Variants in BIRC6 observed in about 807,000 individuals in gnomAD.
The protein encoded by BIRC6 is baculoviral IAP repeat containing 6.
BIRC6 carries 98 observed loss-of-function variants against 503.3 expected under a neutral mutation model. That is an observed-to-expected ratio of 0.19 (90% CI 0.17 to 0.23). The LOEUF (loss-of-function observed/expected upper bound fraction) is 0.23. Ranked by LOEUF, BIRC6 falls within the 10% of genes least tolerant of loss-of-function variation. The pLI is 1.00. For missense variants in BIRC6, 5,360 were observed against 5,806.0 expected (o/e 0.92, Z 2.50); for synonymous variants, 2,240 against 2,078.7 (o/e 1.08, Z -2.11).
intron 5 of BIRC6, among the ~76,000 whole-genome samples, chr2:32,394,756 C>T (rs575591747): frequency 1.3e-5 from 2 of 152,168 alleles, no homozygotes; most frequent in South Asian, 2.1e-4. Context: ...CTTGTGCCCA[C>T]GAGTTCAGGG....
intron 66 of BIRC6, among the ~76,000 whole-genome samples, chr2:32,577,060 G>T (rs1261802437): frequency 2.6e-5 from 4 of 152,050 alleles, no homozygotes; most frequent in Non-Finnish European, 4.4e-5. Flanking sequence ...AACCAAGGAA[G>T]CTAGTGTAAT....
intron 14 of BIRC6, 52 bp from the exon 15 acceptor site, chr2:32,436,001 T>C: frequency 7.1e-6 from 8 of 1,123,968 alleles, no homozygotes; most frequent in South Asian, 2.5e-5. Flanking sequence ...TTATTAAATA[T>C]TACATTTTAA....
rs920615288 is a variant in BIRC6 at position 32,364,763 on chromosome 2, T to G, written c.325+7277T>G. On this transcript the variant is annotated intron_variant, in intron 1 of 73. Coordinates refer to ENST00000421745, the MANE Select transcript of BIRC6 (RefSeq NM_016252.4). ...CAGTGAGGTTTAGATCGGGTGTTTT[T>G]TTTTTTTTTTTCTTTCCTGATGTAA... Among the ~76,000 whole-genome samples the G allele has an allele frequency of 3.3e-5, 5 of 151,668 alleles. 1 individual carries two copies. Among genetic ancestry groups the G allele is most frequent in the Non-Finnish European group, 7.4e-5 (5 of 67,914 alleles).
At chr2:32,428,824 G>A (rs2043801900) in intron 10 of BIRC6, among the ~76,000 whole-genome samples, 1 of 152,148 alleles carries the variant, frequency 6.6e-6, no homozygotes, top group African/African-American at 2.4e-5. Flanking sequence ...AATGGCCACA[G>A]TAATAGTTCT....
chr2:32,554,989 A>G (rs1277325567), intron 65 of BIRC6, among the ~76,000 whole-genome samples: 2 of 152,136 alleles, frequency 1.3e-5, no homozygotes, highest in Admixed American at 1.3e-4. Flanking sequence ...TAGAAATTGT[A>G]TTAGTGCTCT....
At chr2:32,543,618 T>C in intron 62 of BIRC6, 77 bp downstream of exon 62, 1 of 1,372,054 alleles carries the variant, frequency 7.3e-7, no homozygotes, top group Non-Finnish European at 9.9e-7. Flanking sequence ...TGCCTATTAT[T>C]CATCATTTAT....
intron 55 of BIRC6, among the ~76,000 whole-genome samples, chr2:32,517,584 G>A (rs2055188745): frequency 6.6e-6 from 1 of 151,940 alleles, no homozygotes; most frequent in Non-Finnish European, 1.5e-5. Flanking sequence ...TACATTTTGG[G>A]GGTGAGGTGG....
intron 23 of BIRC6, among the ~76,000 whole-genome samples, chr2:32,460,270 ATATTTTTTTTTT>A (rs1287906284): frequency 2.1e-4 from 5 of 24,206 alleles, no homozygotes; most frequent in African/African-American, 7.6e-4. Context: ...ATATATATAT[ATATTTTTTTTTT>A]TTTTTTTTTT....
chr2:32,412,342 C>T (rs760612882), intron 9 of BIRC6, among the ~76,000 whole-genome samples: 1 of 151,570 alleles, frequency 6.6e-6, no homozygotes, highest in South Asian at 2.1e-4. Context: ...ACTAAAAATA[C>T]AAAAATTAGC....
intron 57 of BIRC6, chr2:32,522,608 T>C (rs2055845441): frequency 6.6e-6 from 1 of 152,170 alleles, no homozygotes; most frequent in South Asian, 2.1e-4. Flanking sequence ...AGAATTAAGG[T>C]ACCAGGTTTG....
intron 10 of BIRC6, among the ~76,000 whole-genome samples, chr2:32,421,232 G>A (rs908153594): frequency 4.6e-5 from 7 of 150,748 alleles, no homozygotes; most frequent in African/African-American, 1.5e-4. Context: ...TCAGCCTCCC[G>A]AGTAGCTGGG....
chr2:32,428,173 T>TA (rs981039761), intron 10 of BIRC6, among the ~76,000 whole-genome samples: 1 of 152,232 alleles, frequency 6.6e-6, no homozygotes, highest in Non-Finnish European at 1.5e-5. Context: ...TGCATAGGCA[T>TA]AGAGGCTTAG....
chr2:32,451,900 A>G (rs1271852954), intron 22 of BIRC6, among the ~76,000 whole-genome samples: 1 of 152,180 alleles, frequency 6.6e-6, no homozygotes, highest in Non-Finnish European at 1.5e-5. Context: ...AAATGTGTCA[A>G]CATTTGGAAT....
At chr2:32,429,588 GA>G (rs55825044) in intron 11 of BIRC6, among the ~76,000 whole-genome samples, 145,911 of 151,844 alleles carry the variant, frequency 0.96, 70,146 homozygotes, top group East Asian at 1. Context: ...TTGAAAAGGT[GA>G]AAAAAAAATA....
intron 49 of BIRC6, among the ~76,000 whole-genome samples, chr2:32,504,033 TTTGTG>T (rs2053513508): frequency 8.7e-6 from 1 of 115,358 alleles, no homozygotes; most frequent in African/African-American, 3.7e-5. Flanking sequence ...TGGGGGGGTG[TTTGTG>T]TGTGTGTGTG....
At chr2:32,599,950 G>C (rs1389428455) in intron 70 of BIRC6, 50 bp downstream of exon 70, 1 of 1,550,686 alleles carries the variant, frequency 6.4e-7, no homozygotes, top group Non-Finnish European at 8.7e-7. Flanking sequence ...TGTATACAAA[G>C]GTTCTTTGTA....
chr2:32,519,794 A>G (rs2055445991), intron 57 of BIRC6, among the ~76,000 whole-genome samples: 1 of 152,188 alleles, frequency 6.6e-6, no homozygotes. Context: ...CTGGGATTAC[A>G]GGTGTGAGCT....
chr2:32,553,065 C>T (rs1309932191), intron 65 of BIRC6, among the ~76,000 whole-genome samples: 1 of 148,668 alleles, frequency 6.7e-6, no homozygotes, highest in Non-Finnish European at 1.5e-5. Context: ...GATGTGGTGG[C>T]ACATGCCTGT....
At chr2:32,441,537 C>A in intron 17 of BIRC6, 75 bp downstream of exon 17, 2 of 1,346,712 alleles carry the variant, frequency 1.5e-6, no homozygotes, top group Non-Finnish European at 2.0e-6. Flanking sequence ...CATACACACA[C>A]AAATAAAAAA....
Sources: gnomAD v4.1 joint callset for allele counts (sites outside exome capture counted in the v4.1 genomes callset) on GRCh38, gnomAD v4.1.1 for gene constraint, MANE v1.5 for transcripts, NCBI Gene and HGNC (gene_info 2026-07-23, HGNC 2026-07-21) for gene names.